The following MYLK3 variants were observed in gnomAD, a reference collection of about 807,000 sequenced individuals.
MYLK3 encodes myosin light chain kinase 3.
MYLK3 carries 55 observed loss-of-function variants against 76.3 expected under a neutral mutation model. The observed-to-expected ratio is 0.72, with a 90% CI of 0.58 to 0.90. MYLK3 has a LOEUF of 0.90. Among genes scored for constraint, MYLK3 ranks in the 40% least tolerant of loss-of-function variants. MYLK3 has a pLI of 0.00. For synonymous variants in MYLK3, 416 were observed against 425.4 expected, an observed-to-expected ratio of 0.98 and a Z score of 0.27; for missense variants, 973 against 1,053.6, an observed-to-expected ratio of 0.92 and a Z score of 1.06.
Position 46,730,649 on chromosome 16 carries a change from G to C in MYLK3, c.1512C>G (p.Val504=). 6.2e-7 allele frequency: 1 copy of C among 1,614,036 alleles called. No homozygotes were observed. The highest frequency in any genetic ancestry group is 8.5e-7 in the Non-Finnish European group (1 of 1,180,016). The change falls in exon 5 of 13, where the codon GTC becomes GTG. Residue 504 remains valine, a synonymous_variant. Coordinates refer to ENST00000394809, the MANE Select transcript of MYLK3 (RefSeq NM_182493.3). Reference sequence around the variant, plus strand: ...AACCCGCAGAGATGGAGGTCTCCTTGACGCTCACTACCCGGTGTTCAAAAG... The same window carrying C: ...AACCCGCAGAGATGGAGGTCTCCTTCACGCTCACTACCCGGTGTTCAAAAG... ...PAPFEHRVVS[V]KETSISAGYE...
chr16:46,734,889 C>T (rs1966861072), intron 3 of MYLK3, among the ~76,000 whole-genome samples: 1 of 152,156 alleles, frequency 6.6e-6, no homozygotes, highest in South Asian at 2.1e-4. Flanking sequence ...CACTTGTAAT[C>T]CCAGCACTTT....
At chr16:46,761,155 G>A (rs1009649977) in intron 1 of MYLK3, among the ~76,000 whole-genome samples, 4 of 152,144 alleles carry the variant, frequency 2.6e-5, no homozygotes, top group African/African-American at 4.8e-5. Flanking sequence ...AAGAAAAGAC[G>A]GTTCTAGTGA....
At chr16:46,761,376 G>A (rs1454834232) in intron 1 of MYLK3, among the ~76,000 whole-genome samples, 1 of 152,220 alleles carries the variant, frequency 6.6e-6, no homozygotes, top group Non-Finnish European at 1.5e-5. Context: ...GCAGTAACAT[G>A]ATAAAGTTAG....
At chr16:46,710,868 G>A in intron 10 of MYLK3, 79 bp from the exon 11 acceptor site, 2 of 1,562,974 alleles carry the variant, frequency 1.3e-6, no homozygotes, top group East Asian at 4.5e-5. Context: ...GAAGCTTACA[G>A]AGTTCAAGTG....
At chr16:46,751,183 GGC>G (rs1245700501), upstream of MYLK3, among the ~76,000 whole-genome samples, 4 of 152,060 alleles carry the variant, frequency 2.6e-5, no homozygotes, top group Admixed American at 6.6e-5. Context: ...GGCCAAGGCA[GGC>G]GAATCACTTG....
At chr16:46,751,397 ACT>A (rs1967122744), upstream of MYLK3, among the ~76,000 whole-genome samples, 1 of 152,034 alleles carries the variant, frequency 6.6e-6, no homozygotes, top group Non-Finnish European at 1.5e-5. Context: ...ACAGAGCAAG[ACT>A]CTGTCTCAAA....
intron 1 of MYLK3, among the ~76,000 whole-genome samples, chr16:46,745,975 TTACTC>T (rs975374261): frequency 7.2e-5 from 11 of 152,216 alleles, no homozygotes; most frequent in African/African-American, 2.4e-4. Context: ...TGTATGCTCT[TTACTC>T]TACATGATTT....
intron 2 of MYLK3, among the ~76,000 whole-genome samples, chr16:46,738,688 T>C (rs1966886231): frequency 6.6e-6 from 1 of 152,252 alleles, no homozygotes; most frequent in African/African-American, 2.4e-5. Context: ...TGAGTGTGCA[T>C]GTGTGCACAT....
chr16:46,730,652 G>A lies in MYLK3; in HGVS notation c.1509C>T (p.Ser503=), dbSNP rs760653723. ...PPAPFEHRVV[S]VKETSISAGY... is the part of the protein sequence containing the mutation. ...CCGCAGAGATGGAGGTCTCCTTGACGCTCACTACCCGGTGTTCAAAAGGAG... is the reference window on the plus strand; with the variant it reads ...CCGCAGAGATGGAGGTCTCCTTGACACTCACTACCCGGTGTTCAAAAGGAG... The change falls in exon 5 of 13, where the codon AGC becomes AGT. Residue 503 remains serine, a synonymous_variant. Transcript: ENST00000394809. 15 of 1,613,848 alleles carry A rather than the reference G, an allele frequency of 9.3e-6. No individual in the cohort carries two copies. The highest frequency in any genetic ancestry group is 4.4e-5 in the South Asian group (4 of 91,082).
upstream of MYLK3, among the ~76,000 whole-genome samples, chr16:46,751,249 A>G (rs1379164043): frequency 6.6e-6 from 1 of 151,946 alleles, no homozygotes; most frequent in East Asian, 1.9e-4. Context: ...CATCTCTACT[A>G]AAAATACAAA....
At chr16:46,760,250 G>A (rs553140635) in intron 1 of MYLK3, among the ~76,000 whole-genome samples, 22 of 152,308 alleles carry the variant, frequency 1.4e-4, no homozygotes, top group African/African-American at 4.8e-4. Context: ...CACTGTGGAC[G>A]AGAGGGTTTC....
intron 1 of MYLK3, among the ~76,000 whole-genome samples, chr16:46,753,758 T>A (rs543008024): frequency 7.8e-4 from 118 of 151,868 alleles, no homozygotes; most frequent in African/African-American, 2.6e-3. Context: ...AAAAAAAAAA[T>A]TTTAATTAGC....
chr16:46,723,004 C>T (rs1966814701), intron 8 of MYLK3, among the ~76,000 whole-genome samples: 1 of 152,180 alleles, frequency 6.6e-6, no homozygotes, highest in Admixed American at 6.5e-5. Flanking sequence ...GAGCCCCTCA[C>T]CATTTTAAAG....
At chr16:46,743,926 T>A (rs887340671) in intron 1 of MYLK3, among the ~76,000 whole-genome samples, 1 of 152,202 alleles carries the variant, frequency 6.6e-6, no homozygotes, top group Non-Finnish European at 1.5e-5. Context: ...ATATTTGAAA[T>A]TTTCCATAAT....
intron 1 of MYLK3, among the ~76,000 whole-genome samples, chr16:46,759,098 C>T (rs1396109452): frequency 6.6e-6 from 1 of 152,202 alleles, no homozygotes; most frequent in Non-Finnish European, 1.5e-5. Flanking sequence ...CTCAGGGAAA[C>T]CTGGCCTGGT....
Position 46,706,320 on chromosome 16 carries a change from G to T in MYLK3, c.*1384C>A, listed in dbSNP as rs555310697. The T allele has an allele frequency of 1.4e-5, 2 of 145,270 alleles. No homozygotes were observed. Among genetic ancestry groups the T allele is most frequent in the South Asian group, 2.2e-4 (1 of 4,632 alleles). 9.0% of individuals were successfully genotyped at this position (145,270 alleles called of 1,614,324 possible). The stretch of plus-strand genomic sequence containing the variant: ...TTTTTTTTTTTTTTTTTGAGACGGA[G>T]TCTTGCTCTGTTGCCTAGGCTGGAG... On this transcript the variant is annotated 3_prime_UTR_variant, in exon 13 of 13. Coordinates refer to ENST00000394809, the MANE Select transcript of MYLK3 (RefSeq NM_182493.3).
chr16:46,758,240 TAC>T (rs376393359), intron 1 of MYLK3, among the ~76,000 whole-genome samples: 1 of 90,108 alleles, frequency 1.1e-5, no homozygotes, highest in Non-Finnish European at 2.4e-5. Flanking sequence ...CACACTGCCA[TAC>T]ACACACACAC....
In MYLK3 at chr16:46,704,976, G is replaced by A. The variant is rs934796504; in HGVS notation, c.*2728C>T. 2 of 152,226 alleles carry A rather than the reference G, an allele frequency of 1.3e-5. No homozygotes were observed. Among genetic ancestry groups the A allele is most frequent in the Non-Finnish European group, 2.9e-5 (2 of 68,046 alleles). 9.4% of individuals were successfully genotyped at this position (152,226 alleles called of 1,614,324 possible). On this transcript the variant is annotated 3_prime_UTR_variant, in exon 13 of 13. Coordinates refer to ENST00000394809, the MANE Select transcript of MYLK3 (RefSeq NM_182493.3). Reference sequence around the variant, plus strand: ...CATCAAAGGACAACTTTCAGCAGCTGTGTCTTCTGATGTTCATTCTTCAGC... The same window carrying A: ...CATCAAAGGACAACTTTCAGCAGCTATGTCTTCTGATGTTCATTCTTCAGC...
chr16:46,708,643 G>A (rs1293188779), intron 12 of MYLK3, among the ~76,000 whole-genome samples: 3 of 152,038 alleles, frequency 2.0e-5, no homozygotes, highest in East Asian at 1.9e-4. Context: ...TGTGTTTCCC[G>A]GTAAGTGTGT....
Sources: allele counts gnomAD v4.1 joint callset (sites outside exome capture counted in the v4.1 genomes callset), GRCh38; gene constraint gnomAD v4.1.1; transcripts MANE v1.5; gene names NCBI Gene and HGNC (gene_info 2026-07-23, HGNC 2026-07-21).